Variants in SESTD1 observed in about 807,000 individuals in gnomAD.
SESTD1 encodes the protein SEC14 domain and spectrin repeat-containing protein 1.
Under a neutral mutation model 101.7 loss-of-function variants are expected in SESTD1, and 43 were observed. That is an observed-to-expected ratio of 0.42 (90% CI 0.33 to 0.55). SESTD1 has a LOEUF of 0.55. Ranked by LOEUF, SESTD1 falls within the 20% of genes least tolerant of loss-of-function variation. The pLI is 0.07. For missense variants in SESTD1, 647 were observed against 815.1 expected (o/e 0.79, Z 2.51); for synonymous variants, 283 against 286.8 (o/e 0.99, Z 0.13).
intron 1 of SESTD1, among the ~76,000 whole-genome samples, chr2:179,222,963 A>G (rs918281814): frequency 6.6e-6 from 1 of 152,196 alleles, no homozygotes; most frequent in Non-Finnish European, 1.5e-5. Flanking sequence ...AACAAAAAAT[A>G]TATCCACCCA....
At position 179,260,818 on chromosome 2, in the gene SESTD1, GA is replaced by G. The variant is rs374890504; in HGVS notation, c.-26+3680del. ...GTGTAGTATAATCCCATTTGTAAAA[GA>G]AAAAACATTATGAAAAGAAACATGT... On this transcript the variant is annotated intron_variant, in intron 1 of 17. Transcript: ENST00000428443. 5.5e-3 allele frequency among the ~76,000 whole-genome samples: 839 copies of G among 152,050 alleles called. 9 individuals are homozygous for G. Among genetic ancestry groups the G allele is most frequent in the African/African-American group, 0.019 (789 of 41,484 alleles).
At chr2:179,194,931 C>A (rs1397152628) in intron 1 of SESTD1, among the ~76,000 whole-genome samples, 1 of 152,286 alleles carries the variant, frequency 6.6e-6, no homozygotes, top group Non-Finnish European at 1.5e-5. Flanking sequence ...AGATCAGAGA[C>A]CACAAACTAC....
At chr2:179,245,981 G>A (rs1308756795) in intron 1 of SESTD1, among the ~76,000 whole-genome samples, 1 of 152,152 alleles carries the variant, frequency 6.6e-6, no homozygotes, top group Non-Finnish European at 1.5e-5. Context: ...ACCAGGCTGG[G>A]CACAGTGGCT....
At chr2:179,121,971 G>C in intron 12 of SESTD1, 42 bp from the exon 13 acceptor site, 1 of 1,549,702 alleles carries the variant, frequency 6.5e-7, no homozygotes, top group Non-Finnish European at 8.7e-7. Flanking sequence ...ACACAACTAA[G>C]GCGCTTTCCC....
chr2:179,147,364 T>TG (rs1323159421), intron 7 of SESTD1, among the ~76,000 whole-genome samples: 1 of 143,256 alleles, frequency 7.0e-6, no homozygotes, highest in Non-Finnish European at 1.5e-5. Context: ...TTTGTTTTTT[T>TG]GTTTTTTTTT....
chr2:179,188,195 GATAA>G (rs2046263325), intron 2 of SESTD1, among the ~76,000 whole-genome samples: 2 of 152,106 alleles, frequency 1.3e-5, no homozygotes, highest in South Asian at 4.2e-4. Context: ...TGCAAGTCTT[GATAA>G]ATAAAAAAAA....
chr2:179,203,473 A>T (rs2046548348), intron 1 of SESTD1, among the ~76,000 whole-genome samples: 1 of 132,818 alleles, frequency 7.5e-6, no homozygotes, highest in Non-Finnish European at 1.6e-5. Flanking sequence ...CAGGTGGGTG[A>T]ACACATCAAG....
intron 10 of SESTD1, 22 bp downstream of exon 10, chr2:179,132,282 T>C: frequency 6.5e-7 from 1 of 1,528,282 alleles, no homozygotes; most frequent in Non-Finnish European, 8.7e-7. Flanking sequence ...CATTGTAACT[T>C]GCAGAGGAAA....
At chr2:179,169,129 A>G (rs910879880) in intron 5 of SESTD1, among the ~76,000 whole-genome samples, 3 of 152,194 alleles carry the variant, frequency 2.0e-5, no homozygotes, top group African/African-American at 7.2e-5. Flanking sequence ...CATTAAATAT[A>G]AATAGTCTTA....
At chr2:179,152,664 G>C (rs1451800535) in intron 5 of SESTD1, among the ~76,000 whole-genome samples, 1 of 152,084 alleles carries the variant, frequency 6.6e-6, no homozygotes, top group Non-Finnish European at 1.5e-5. Flanking sequence ...TGCTTTGCCG[G>C]AAGAGGGAAA....
At chr2:179,130,602 G>GTAA (rs1256599267) in intron 10 of SESTD1, among the ~76,000 whole-genome samples, 2 of 151,754 alleles carry the variant, frequency 1.3e-5, no homozygotes, top group Non-Finnish European at 2.9e-5. Context: ...ATTTCTAACT[G>GTAA]TAATTATTTA....
intron 1 of SESTD1, among the ~76,000 whole-genome samples, chr2:179,215,297 A>C (rs1252030026): frequency 7.4e-6 from 1 of 135,320 alleles, no homozygotes; most frequent in Non-Finnish European, 1.6e-5. Context: ...ATAAAAAATG[A>C]TAAACGGGAT....
At chr2:179,186,894 A>AT (rs766599601) in intron 2 of SESTD1, among the ~76,000 whole-genome samples, 53 of 152,216 alleles carry the variant, frequency 3.5e-4, no homozygotes, top group South Asian at 2.7e-3. Context: ...ATCACACACA[A>AT]TGGGAACCCT....
At position 179,112,680 on chromosome 2, in the gene SESTD1, G is replaced by T. The variant is rs368800498; in HGVS notation, c.1961+44C>A. 6.0e-4 allele frequency: 926 copies of T among 1,536,604 alleles called. 15 individuals are homozygous for T. In the South Asian group the frequency reaches 0.011, roughly 18 times the overall value. On this transcript the variant is annotated intron_variant, in intron 17 of 17. Transcript: ENST00000428443. ...TCCTCTTTTAATGATTTCACTTTAA[G>T]ACCACACCAATAAAAAATAAAATTA...
intron 1 of SESTD1, among the ~76,000 whole-genome samples, chr2:179,234,511 C>G (rs2047034071): frequency 6.6e-6 from 1 of 152,302 alleles, no homozygotes; most frequent in East Asian, 1.9e-4. Context: ...GACGCAGTGG[C>G]TCACACCTGC....
chr2:179,130,694 G>T (rs1428132678), intron 10 of SESTD1, among the ~76,000 whole-genome samples: 1 of 151,854 alleles, frequency 6.6e-6, no homozygotes, highest in Non-Finnish European at 1.5e-5. Flanking sequence ...TTCCTAAAAA[G>T]AACTTTTGGA....
chr2:179,162,261 A>G (rs1430638942), intron 5 of SESTD1, among the ~76,000 whole-genome samples: 1 of 152,068 alleles, frequency 6.6e-6, no homozygotes, highest in African/African-American at 2.4e-5. Context: ...AAAAAAAACC[A>G]TATTTTTTAA....
chr2:179,180,324 T>C (rs146576249), intron 3 of SESTD1, among the ~76,000 whole-genome samples: 1 of 152,114 alleles, frequency 6.6e-6, no homozygotes, highest in African/African-American at 2.4e-5. Flanking sequence ...GTTAAGATAG[T>C]CATTGCATGA....
At chr2:179,238,302 T>C (rs1338937131) in intron 1 of SESTD1, among the ~76,000 whole-genome samples, 1 of 152,084 alleles carries the variant, frequency 6.6e-6, no homozygotes, top group African/African-American at 2.4e-5. Context: ...TTCAAACCTA[T>C]TGTTCAAGGA....
Sources: gnomAD v4.1 joint callset for allele counts (sites outside exome capture counted in the v4.1 genomes callset) on GRCh38, gnomAD v4.1.1 for gene constraint, MANE v1.5 for transcripts, NCBI Gene and HGNC (gene_info 2026-07-23, HGNC 2026-07-21) for gene names.